The following EEIG1 variants were observed in gnomAD, a reference collection of about 807,000 sequenced individuals.
EEIG1 encodes the protein estrogen-induced osteoclastogenesis regulator 1, also known as early estrogen-induced gene 1 protein.
chr9:127,961,847 G>A, the EEIG1 span, among the ~76,000 whole-genome samples: 1 of 148,630 alleles, frequency 6.7e-6, no homozygotes, highest in Non-Finnish European at 1.5e-5. Context: ...TGTCTGTCGC[G>A]TTTGAGGAGG....
At chr9:127,960,113 G>A in the EEIG1 span, among the ~76,000 whole-genome samples, 11 of 152,202 alleles carry the variant, frequency 7.2e-5, no homozygotes, top group Admixed American at 2.0e-4. Flanking sequence ...TGCAGGTAGC[G>A]ATGAGGTGTG....
chr9:127,970,087 G>A, the EEIG1 span, among the ~76,000 whole-genome samples: 1 of 152,030 alleles, frequency 6.6e-6, no homozygotes, highest in African/African-American at 2.4e-5. Context: ...CATCAGAAAG[G>A]TTTTTGAACT....
chr9:127,954,631 C>T, the EEIG1 span, among the ~76,000 whole-genome samples: 20 of 152,308 alleles, frequency 1.3e-4, no homozygotes, highest in East Asian at 1.4e-3. Flanking sequence ...CTGTATGGAG[C>T]AGCCACATCA....
the EEIG1 span, among the ~76,000 whole-genome samples, chr9:127,950,878 G>A: frequency 2.0e-5 from 3 of 152,258 alleles, no homozygotes; most frequent in East Asian, 1.9e-4. Flanking sequence ...AGGCCGTGCT[G>A]TCGGGAGCTG....
the EEIG1 span, chr9:127,980,405 C>G: frequency 2.9e-6 from 1 of 342,740 alleles, no homozygotes; most frequent in African/African-American, 2.2e-5. Context: ...AACAGCAGGG[C>G]ATGGCCCAGG....
chr9:127,952,012 A>AATT, the EEIG1 span, among the ~76,000 whole-genome samples: 2 of 152,128 alleles, frequency 1.3e-5, no homozygotes, highest in Non-Finnish European at 2.9e-5. Context: ...TCAATTACAG[A>AATT]ACAGAAGGGA....
the EEIG1 span, among the ~76,000 whole-genome samples, chr9:127,958,494 A>T: frequency 6.6e-6 from 1 of 151,986 alleles, no homozygotes; most frequent in Non-Finnish European, 1.5e-5. Flanking sequence ...ACAAGACCCC[A>T]TCTCTACAGA....
chr9:127,956,825 G>A, the EEIG1 span, among the ~76,000 whole-genome samples: 2 of 151,880 alleles, frequency 1.3e-5, no homozygotes, highest in African/African-American at 2.4e-5. Context: ...AGTGATTCTC[G>A]TGCCTCAGAC....
the EEIG1 span, among the ~76,000 whole-genome samples, chr9:127,946,372 G>A: frequency 4.7e-3 from 714 of 152,340 alleles, 2 homozygotes; most frequent in African/African-American, 0.016. Context: ...CCCAGCAGGA[G>A]GCAAAAGGGA....
At chr9:127,960,112 C>T in the EEIG1 span, among the ~76,000 whole-genome samples, 1 of 152,100 alleles carries the variant, frequency 6.6e-6, no homozygotes, top group South Asian at 2.1e-4. Flanking sequence ...GTGCAGGTAG[C>T]GATGAGGTGT....
chr9:127,958,538 G>C, the EEIG1 span, among the ~76,000 whole-genome samples: 63 of 152,090 alleles, frequency 4.1e-4, no homozygotes, highest in African/African-American at 1.4e-3. Flanking sequence ...GGTGGTGCAT[G>C]CCTGTAGTCC....
the EEIG1 span, chr9:127,953,627 G>A: frequency 6.2e-7 from 1 of 1,613,770 alleles, no homozygotes; most frequent in Non-Finnish European, 8.5e-7. Context: ...GGAGACACAA[G>A]CAGCAAGTTG....
the EEIG1 span, among the ~76,000 whole-genome samples, chr9:127,975,266 C>T: frequency 2.0e-5 from 3 of 152,214 alleles, no homozygotes; most frequent in African/African-American, 4.8e-5. Context: ...GCCTCCGGGG[C>T]CACCATCCCA....
At chr9:127,953,749 TGAGGG>T in the EEIG1 span, 2 of 1,613,724 alleles carry the variant, frequency 1.2e-6, no homozygotes, top group Non-Finnish European at 1.7e-6. Flanking sequence ...TGCGGACTCA[TGAGGG>T]GAGGGGCCTA....
the EEIG1 span, among the ~76,000 whole-genome samples, chr9:127,949,302 ACT>A: frequency 9.5e-6 from 1 of 104,920 alleles, no homozygotes; most frequent in Non-Finnish European, 1.8e-5. Context: ...TGACAGCGAG[ACT>A]CTGTCTCAAA....
chr9:127,968,333 C>G, the EEIG1 span, among the ~76,000 whole-genome samples: 1 of 152,094 alleles, frequency 6.6e-6, no homozygotes, highest in Non-Finnish European at 1.5e-5. Context: ...CTATCCTTAC[C>G]CTCCATCCCA....
chr9:127,980,236 C>A, the EEIG1 span: 3 of 1,334,074 alleles, frequency 2.2e-6, no homozygotes, highest in Non-Finnish European at 3.1e-6. Flanking sequence ...AACACCAGAG[C>A]CGGATCCCGC....
At chr9:127,953,348 G>A in the EEIG1 span, 5 of 569,490 alleles carry the variant, frequency 8.8e-6, no homozygotes, top group Non-Finnish European at 1.6e-5. Context: ...ACAGAAACTG[G>A]CCCTTTTGCT....
the EEIG1 span, chr9:127,948,418 T>C: frequency 6.2e-7 from 1 of 1,614,036 alleles, no homozygotes; most frequent in East Asian, 2.2e-5. Context: ...TGGTGACCTG[T>C]GGCGAGGGGA....
Sources: allele counts gnomAD v4.1 joint callset (sites outside exome capture counted in the v4.1 genomes callset), GRCh38; gene constraint gnomAD v4.1.1; transcripts MANE v1.5; gene names NCBI Gene and HGNC (gene_info 2026-07-23, HGNC 2026-07-21).